SGSM1: variants seen among roughly 807,000 people sequenced by gnomAD.
SGSM1 encodes the protein RUN and TBC1 domain containing 2.
In SGSM1, 73 loss-of-function variants were observed where a neutral mutation model predicts 133.8. The observed-to-expected ratio is 0.55, with a 90% CI of 0.45 to 0.66. The LOEUF is 0.66. Among genes scored for constraint, SGSM1 ranks in the 30% least tolerant of loss-of-function variants. The pLI, the probability that SGSM1 is intolerant of heterozygous loss-of-function variation, is 0.00. For missense variants in SGSM1, 1,213 were observed against 1,448.1 expected, an observed-to-expected ratio of 0.84 and a Z score of 2.64; for synonymous variants, 563 against 573.0, an observed-to-expected ratio of 0.98 and a Z score of 0.25.
chr22:24,907,507 C>T (rs965926370), intron 21 of SGSM1, among the ~76,000 whole-genome samples: 1 of 145,240 alleles, frequency 6.9e-6, no homozygotes, highest in Non-Finnish European at 1.5e-5. Context: ...GTCAAAAATC[C>T]CAGCTGCCTT....
At chr22:24,837,922 A>G in intron 2 of SGSM1, among the ~76,000 whole-genome samples, 1 of 152,198 alleles carries the variant, frequency 6.6e-6, no homozygotes, top group Non-Finnish European at 1.5e-5. Context: ...TAAGATCTAT[A>G]TCTGGTATAA....
intron 22 of SGSM1, 92 bp downstream of exon 22, chr22:24,912,844 T>C: frequency 1.3e-6 from 1 of 776,392 alleles, no homozygotes; most frequent in Non-Finnish European, 2.1e-6. Context: ...AGAGCCCACC[T>C]GGATTGGAAT....
intron 4 of SGSM1, among the ~76,000 whole-genome samples, chr22:24,848,623 A>G (rs1302119108): frequency 6.6e-6 from 1 of 152,178 alleles, no homozygotes; most frequent in Non-Finnish European, 1.5e-5. Flanking sequence ...AGGGAATGAC[A>G]ATTTGGTTTC....
At position 24,924,323 on chromosome 22, in the gene SGSM1, C is replaced by T; in HGVS notation, c.*49C>T. On this transcript the variant is annotated 3_prime_UTR_variant, in exon 25 of 25. Transcript: ENST00000400358. The stretch of plus-strand genomic sequence containing the variant: ...CAGCCAAGCTGCCCCTGCCCCGCTC[C>T]TCTGCTTACTTTTCCTCCTGGCTGG... 1 of 1,545,198 alleles carries T rather than the reference C, an allele frequency of 6.5e-7. No homozygotes were observed. Among genetic ancestry groups the T allele is most frequent in the Non-Finnish European group, 8.9e-7 (1 of 1,120,158 alleles).
intron 21 of SGSM1, among the ~76,000 whole-genome samples, chr22:24,907,591 T>C (rs988217702): frequency 6.6e-6 from 1 of 151,922 alleles, no homozygotes; most frequent in Non-Finnish European, 1.5e-5. Flanking sequence ...AAAGTTGATA[T>C]GGAAATTCAA....
intron 4 of SGSM1, 24 bp downstream of exon 4, chr22:24,847,820 G>A: frequency 1.2e-6 from 2 of 1,609,098 alleles, no homozygotes. Flanking sequence ...ATGGGGCACA[G>A]GTGGGAGCAG....
chr22:24,875,506 T>C (rs748066813), intron 12 of SGSM1, among the ~76,000 whole-genome samples: 15 of 152,036 alleles, frequency 9.9e-5, no homozygotes, highest in Non-Finnish European at 1.6e-4. Flanking sequence ...GCTGTCCCTT[T>C]ACAGAAAAAG....
chr22:24,821,313 A>G (rs1928456918), intron 2 of SGSM1, among the ~76,000 whole-genome samples: 1 of 152,250 alleles, frequency 6.6e-6, no homozygotes, highest in Non-Finnish European at 1.5e-5. Flanking sequence ...CTGGGATTAC[A>G]GGCGTGAGCC....
At chr22:24,869,904 G>A (rs1372334994) in intron 12 of SGSM1, among the ~76,000 whole-genome samples, 1 of 152,244 alleles carries the variant, frequency 6.6e-6, no homozygotes, top group East Asian at 1.9e-4. Context: ...GTACTTAGAA[G>A]AGGGCCTGGC....
At chr22:24,850,115 AT>A (rs1381361798) in intron 4 of SGSM1, among the ~76,000 whole-genome samples, 164 bp from the exon 5 acceptor site, 1 of 151,878 alleles carries the variant, frequency 6.6e-6, no homozygotes, top group Admixed American at 6.6e-5. Flanking sequence ...GGGTATTACT[AT>A]TTTTTCAACT....
In SGSM1 at chr22:24,898,516, C is replaced by G; in HGVS notation, c.2567C>G (p.Ala856Gly). The G allele has an allele frequency of 6.2e-7, 1 of 1,613,252 alleles. No individual in the cohort carries two copies. The highest frequency in any genetic ancestry group is 8.5e-7 in the Non-Finnish European group (1 of 1,179,538). ...GCTTCTCTGGCTGTGACTACTTCTG[C>G]CAACGAGGTGTCCCCTGTGTCTTCC... Reference protein sequence around the residue: ...ALASLAVTTSANEVSPVSSSG... With the variant: ...ALASLAVTTSGNEVSPVSSSG... The change falls in exon 19 of 25, where the codon GCC becomes GGC. Residue 856 changes from alanine to glycine, a missense_variant. By Grantham distance (60) the Ala-to-Gly change is moderately conservative. Transcript: ENST00000400358.
rs1481307212 is a variant in SGSM1 at position 24,926,515 on chromosome 22, A to G, written c.*2241A>G. The G allele has an allele frequency of 6.6e-6, 1 of 152,136 alleles. No individual in the cohort carries two copies. The highest frequency in any genetic ancestry group is 1.5e-5 in the Non-Finnish European group (1 of 68,030). The allele number at this position is 152,136 out of a possible 1,614,324, so 9.4% of individuals were successfully genotyped here. ...TTACAGAGGATGTTATTTTAGTGAG[A>G]CCCAGGTCCTAGACCTTCTGATTCC... is the stretch of plus-strand genomic sequence containing the variant. On this transcript the variant is annotated 3_prime_UTR_variant, in exon 25 of 25. Coordinates refer to ENST00000400358, the MANE Select transcript of SGSM1 (RefSeq NM_001098497.3).
At chr22:24,846,264 C>T (rs1429023106) in intron 3 of SGSM1, among the ~76,000 whole-genome samples, 2 of 151,654 alleles carry the variant, frequency 1.3e-5, no homozygotes, top group Non-Finnish European at 2.9e-5. Flanking sequence ...GTCTTGAATT[C>T]CTAGGTTCAA....
chr22:24,904,862 A>G (rs1225113876), intron 20 of SGSM1, among the ~76,000 whole-genome samples: 2 of 152,176 alleles, frequency 1.3e-5, no homozygotes, highest in East Asian at 3.9e-4. Flanking sequence ...ATCCCATCAG[A>G]CAGCAGGGTG....
Position 24,926,017 on chromosome 22 carries a change from C to A in SGSM1, c.*1743C>A, listed in dbSNP as rs1441966711. The A allele has an allele frequency of 1.3e-5, 2 of 152,222 alleles. No homozygotes were observed. Among genetic ancestry groups the A allele is most frequent in the African/African-American group, 2.4e-5 (1 of 41,432 alleles). 9.4% of individuals were successfully genotyped at this position (152,222 alleles called of 1,614,324 possible). ...AGAGAGAAAGGCTCTTCCCGGGAGACCTGCCGCCTCTAGGGTGGTCAGAGA... is the reference window on the plus strand; with the variant it reads ...AGAGAGAAAGGCTCTTCCCGGGAGAACTGCCGCCTCTAGGGTGGTCAGAGA... On this transcript the variant is annotated 3_prime_UTR_variant, in exon 25 of 25. Transcript: ENST00000400358.
At chr22:24,824,239 G>T (rs1928660839) in intron 2 of SGSM1, among the ~76,000 whole-genome samples, 1 of 152,162 alleles carries the variant, frequency 6.6e-6, no homozygotes, top group South Asian at 2.1e-4. Flanking sequence ...TCAAGTGGAG[G>T]GGACTGCATG....
intron 2 of SGSM1, among the ~76,000 whole-genome samples, chr22:24,831,158 G>A (rs1282309289): frequency 6.6e-6 from 1 of 151,862 alleles, no homozygotes. Context: ...TTAGGAGGAG[G>A]TGCTCTTAGG....
At chr22:24,827,912 A>AATG (rs1370519963) in intron 2 of SGSM1, among the ~76,000 whole-genome samples, 1 of 151,888 alleles carries the variant, frequency 6.6e-6, no homozygotes, top group Non-Finnish European at 1.5e-5. Flanking sequence ...TTCCAAAAGG[A>AATG]ATGAGCTCCC....
intron 19 of SGSM1, among the ~76,000 whole-genome samples, chr22:24,899,062 T>C (rs1450541673): frequency 6.8e-6 from 1 of 146,968 alleles, no homozygotes; most frequent in African/African-American, 2.5e-5. Flanking sequence ...TACAGTGTTA[T>C]AATATTTTAT....
Sources: gnomAD v4.1 joint callset for allele counts (sites outside exome capture counted in the v4.1 genomes callset) on GRCh38, gnomAD v4.1.1 for gene constraint, MANE v1.5 for transcripts, NCBI Gene and HGNC (gene_info 2026-07-23, HGNC 2026-07-21) for gene names.